MATCAP2: variants seen among roughly 807,000 people sequenced by gnomAD.
MATCAP2 encodes the protein microtubule associated tyrosine carboxypeptidase 2, also known as putative tyrosine carboxypeptidase MATCAP2.
the MATCAP2 span, among the ~76,000 whole-genome samples, chr7:36,354,709 A>T: frequency 6.6e-6 from 1 of 152,240 alleles, no homozygotes; most frequent in African/African-American, 2.4e-5. Flanking sequence ...TTCTTTGATT[A>T]AAGTGGTTTA....
chr7:36,367,211 A>G, the MATCAP2 span: 3 of 1,162,454 alleles, frequency 2.6e-6, no homozygotes, highest in South Asian at 4.4e-5. Context: ...TGCCACCGTG[A>G]CGTAGCCGCT....
chr7:36,387,473 AG>A, the MATCAP2 span, among the ~76,000 whole-genome samples: 1 of 152,218 alleles, frequency 6.6e-6, no homozygotes, highest in South Asian at 2.1e-4. Context: ...AAAAGATAAA[AG>A]TCATTCTAGC....
At chr7:36,337,143 ACAAT>A in the MATCAP2 span, among the ~76,000 whole-genome samples, 1 of 147,296 alleles carries the variant, frequency 6.8e-6, no homozygotes, top group Non-Finnish European at 1.5e-5. Flanking sequence ...GTCTTCTGCA[ACAAT>A]CTATCTATTT....
chr7:36,387,135 G>A, the MATCAP2 span, among the ~76,000 whole-genome samples: 1 of 152,114 alleles, frequency 6.6e-6, no homozygotes, highest in Non-Finnish European at 1.5e-5. Flanking sequence ...AGAAAAAGTT[G>A]CAGAAAGACT....
chr7:36,363,263 T>C, the MATCAP2 span, among the ~76,000 whole-genome samples: 1 of 152,206 alleles, frequency 6.6e-6, no homozygotes, highest in African/African-American at 2.4e-5. Flanking sequence ...TTCCAGTATT[T>C]TTAAACATTC....
chr7:36,336,169 T>G, the MATCAP2 span: 1 of 1,535,776 alleles, frequency 6.5e-7, no homozygotes, highest in Non-Finnish European at 8.7e-7. Context: ...CTAGGCAGCC[T>G]TCCTTCATCA....
the MATCAP2 span, among the ~76,000 whole-genome samples, chr7:36,381,591 A>G: frequency 6.6e-6 from 1 of 151,716 alleles, no homozygotes; most frequent in East Asian, 1.9e-4. Flanking sequence ...GAATTGCTTG[A>G]ATCTGGGAGG....
At chr7:36,380,515 G>A in the MATCAP2 span, among the ~76,000 whole-genome samples, 7 of 152,228 alleles carry the variant, frequency 4.6e-5, no homozygotes, top group Non-Finnish European at 8.8e-5. Flanking sequence ...AGTGCAGCAA[G>A]AAGGACAAGA....
At chr7:36,373,796 C>T in the MATCAP2 span, among the ~76,000 whole-genome samples, 1 of 151,798 alleles carries the variant, frequency 6.6e-6, no homozygotes, top group Non-Finnish European at 1.5e-5. Flanking sequence ...GGATTTTTTT[C>T]TTTTTAGAGA....
the MATCAP2 span, among the ~76,000 whole-genome samples, chr7:36,332,591 C>T: frequency 6.6e-6 from 1 of 152,192 alleles, no homozygotes; most frequent in Non-Finnish European, 1.5e-5. Context: ...ATAACCATCA[C>T]TAATTTGAGT....
the MATCAP2 span, among the ~76,000 whole-genome samples, chr7:36,378,347 T>A: frequency 6.6e-6 from 1 of 152,214 alleles, no homozygotes; most frequent in African/African-American, 2.4e-5. Context: ...CAGCTGCAGG[T>A]CTGTTGGAGT....
the MATCAP2 span, among the ~76,000 whole-genome samples, chr7:36,328,239 T>TGGGC: frequency 7.9e-5 from 2 of 25,234 alleles, no homozygotes; most frequent in Non-Finnish European, 1.8e-4. Context: ...TTTGTTTTTG[T>TGGGC]AGGGGGGGGG....
the MATCAP2 span, among the ~76,000 whole-genome samples, chr7:36,386,499 T>C: frequency 6.6e-6 from 1 of 151,684 alleles, no homozygotes; most frequent in Non-Finnish European, 1.5e-5. Flanking sequence ...AACATTTCTG[T>C]ACATCTGAAA....
At chr7:36,332,179 C>G in the MATCAP2 span, among the ~76,000 whole-genome samples, 1 of 151,868 alleles carries the variant, frequency 6.6e-6, no homozygotes, top group Admixed American at 6.6e-5. Flanking sequence ...AAATGATGAG[C>G]CTCCACGGGG....
the MATCAP2 span, among the ~76,000 whole-genome samples, chr7:36,377,654 C>A: frequency 6.6e-6 from 1 of 152,108 alleles, no homozygotes; most frequent in South Asian, 2.1e-4. Context: ...GCCTGCCTTG[C>A]TAGGTTGGGG....
At chr7:36,380,005 G>C in the MATCAP2 span, among the ~76,000 whole-genome samples, 1 of 152,084 alleles carries the variant, frequency 6.6e-6, no homozygotes, top group African/African-American at 2.4e-5. Flanking sequence ...CAACTTTTCT[G>C]TAAGTCTGAA....
At chr7:36,326,753 C>T in the MATCAP2 span, 3 of 1,608,428 alleles carry the variant, frequency 1.9e-6, no homozygotes, top group Non-Finnish European at 2.5e-6. Flanking sequence ...TGCCAGAACG[C>T]TAATTACTAT....
chr7:36,377,853 A>T, the MATCAP2 span, among the ~76,000 whole-genome samples: 6 of 151,972 alleles, frequency 3.9e-5, no homozygotes, highest in African/African-American at 1.5e-4. Flanking sequence ...CATTCATTTG[A>T]TCTTCAATCA....
chr7:36,373,849 A>G, the MATCAP2 span, among the ~76,000 whole-genome samples: 2 of 152,074 alleles, frequency 1.3e-5, no homozygotes, highest in African/African-American at 2.4e-5. Flanking sequence ...CAGTGGCACG[A>G]TCTCAGCTCA....
Sources: gnomAD v4.1 joint callset for allele counts (sites outside exome capture counted in the v4.1 genomes callset) on GRCh38, gnomAD v4.1.1 for gene constraint, MANE v1.5 for transcripts, NCBI Gene and HGNC (gene_info 2026-07-23, HGNC 2026-07-21) for gene names.